The following PTGER3 variants were observed in gnomAD, a reference collection of about 807,000 sequenced individuals.
PTGER3 encodes the protein prostaglandin E receptor 3, also known as prostaglandin E2 receptor EP3 subtype.
A neutral mutation model predicts 34.7 loss-of-function variants in PTGER3; 22 were observed. The observed-to-expected ratio is 0.63, with a 90% CI of 0.45 to 0.91. The LOEUF (loss-of-function observed/expected upper bound fraction) is 0.91. Ranked by LOEUF, PTGER3 falls within the 40% of genes least tolerant of loss-of-function variation. PTGER3 has a pLI of 0.00. For synonymous variants in PTGER3, 241 were observed against 230.1 expected (o/e 1.05, Z -0.43); for missense variants, 468 against 519.4 (o/e 0.90, Z 0.96).
intron 4 of PTGER3, among the ~76,000 whole-genome samples, chr1:70,908,296 A>G (rs926056829): frequency 1.3e-5 from 2 of 152,168 alleles, no homozygotes; most frequent in Admixed American, 1.3e-4. Flanking sequence ...TCATCTACAC[A>G]ATCCCATTAT....
chr1:70,980,055 G>A (rs1381807683), intron 2 of PTGER3, among the ~76,000 whole-genome samples: 1 of 152,096 alleles, frequency 6.6e-6, no homozygotes, highest in Non-Finnish European at 1.5e-5. Context: ...GGGGAGTTGA[G>A]GTTTCATAAG....
At chr1:70,940,460 T>C (rs1278888450) in intron 4 of PTGER3, among the ~76,000 whole-genome samples, 1 of 152,202 alleles carries the variant, frequency 6.6e-6, no homozygotes, top group African/African-American at 2.4e-5. Context: ...TTTACTGTAT[T>C]AGTCTGTTTT....
chr1:70,905,543 A>G (rs1381601098), intron 4 of PTGER3, among the ~76,000 whole-genome samples: 3 of 152,136 alleles, frequency 2.0e-5, no homozygotes, highest in Non-Finnish European at 4.4e-5. Flanking sequence ...ACATGGAGTC[A>G]AAGGATATCA....
intron 4 of PTGER3, among the ~76,000 whole-genome samples, chr1:70,894,079 G>T (rs1472287428): frequency 1.3e-5 from 2 of 152,054 alleles, no homozygotes; most frequent in Non-Finnish European, 2.9e-5. Context: ...AGGCCAAGGT[G>T]GGTGGATCAC....
intron 4 of PTGER3, among the ~76,000 whole-genome samples, chr1:70,926,612 G>A (rs28635308): frequency 0.17 from 26,132 of 152,082 alleles, 2,836 homozygotes; most frequent in East Asian, 0.31. Context: ...GATATACAAT[G>A]ATGTCGTCTG....
chr1:70,979,656 A>T (rs929163563), intron 2 of PTGER3, among the ~76,000 whole-genome samples: 5 of 152,096 alleles, frequency 3.3e-5, no homozygotes, highest in Admixed American at 6.6e-5. Context: ...TCCTCTCAGA[A>T]TTCAAACTGC....
chr1:70,913,296 G>A (rs1297337224), intron 4 of PTGER3, among the ~76,000 whole-genome samples: 1 of 151,752 alleles, frequency 6.6e-6, no homozygotes, highest in East Asian at 1.9e-4. Flanking sequence ...ATTTTTAGTA[G>A]TTCATTGCTA....
chr1:70,868,435 G>A (rs370576411), intron 4 of PTGER3, among the ~76,000 whole-genome samples: 156 of 152,308 alleles, frequency 1.0e-3, no homozygotes, highest in African/African-American at 2.8e-3. Context: ...ATGACACAGT[G>A]TCTGTTTATT....
At chr1:70,959,566 G>A (rs1651710254) in intron 2 of PTGER3, among the ~76,000 whole-genome samples, 2 of 152,174 alleles carry the variant, frequency 1.3e-5, no homozygotes, top group Admixed American at 6.5e-5. Flanking sequence ...TCACCATATT[G>A]GCGAGGCTGG....
intron 2 of PTGER3, among the ~76,000 whole-genome samples, chr1:70,989,762 C>A (rs896610930): frequency 1.3e-5 from 2 of 152,136 alleles, no homozygotes; most frequent in Non-Finnish European, 2.9e-5. Context: ...CCAGACATTT[C>A]ACATAGCAGC....
intron 2 of PTGER3, among the ~76,000 whole-genome samples, chr1:70,992,509 G>T (rs983200757): frequency 1.3e-5 from 2 of 152,150 alleles, no homozygotes; most frequent in South Asian, 4.1e-4. Flanking sequence ...TAAAGATAGC[G>T]CTCTGTTGAA....
At chr1:70,979,153 C>G (rs991966300) in intron 2 of PTGER3, among the ~76,000 whole-genome samples, 9 of 152,222 alleles carry the variant, frequency 5.9e-5, no homozygotes, top group Admixed American at 5.2e-4. Context: ...GAGATTTTCA[C>G]GTTTCTGTTT....
At chr1:71,044,821 A>AT (rs1660618097) in intron 1 of PTGER3, among the ~76,000 whole-genome samples, 1 of 151,944 alleles carries the variant, frequency 6.6e-6, no homozygotes, top group African/African-American at 2.4e-5. Context: ...ATTTAACTGC[A>AT]TTTTTTTTCC....
intron 4 of PTGER3, among the ~76,000 whole-genome samples, chr1:70,872,221 G>T (rs1646178004): frequency 1.3e-5 from 2 of 152,216 alleles, no homozygotes; most frequent in African/African-American, 2.4e-5. Context: ...GTGGGAGATG[G>T]TCGGTGTTTT....
At chr1:70,947,815 G>A (rs500647), downstream of PTGER3, among the ~76,000 whole-genome samples, 90,755 of 151,974 alleles carry the variant, frequency 0.6, 28,237 homozygotes, top group East Asian at 0.71. Context: ...ACTTTGTTAC[G>A]TTCTATACAC....
chr1:71,020,979 T>G (rs1246499785), intron 1 of PTGER3, among the ~76,000 whole-genome samples: 1 of 152,034 alleles, frequency 6.6e-6, no homozygotes, highest in African/African-American at 2.4e-5. Flanking sequence ...TACCTTCAAT[T>G]TATATAGCAT....
At chr1:70,887,692 T>A (rs1037933440) in intron 4 of PTGER3, among the ~76,000 whole-genome samples, 2 of 152,174 alleles carry the variant, frequency 1.3e-5, no homozygotes, top group African/African-American at 4.8e-5. Context: ...ATTTTCTCTG[T>A]GGTGCATTAG....
chr1:70,911,245 G>A (rs976906083), intron 4 of PTGER3, among the ~76,000 whole-genome samples: 1 of 150,420 alleles, frequency 6.6e-6, no homozygotes, highest in Non-Finnish European at 1.5e-5. Flanking sequence ...ATACTAGATT[G>A]GAGACCCTTT....
Position 70,995,423 on chromosome 1 carries a change from G to A in PTGER3, c.1077+16882C>T, listed in dbSNP as rs1212535764. ...TAAGTCTCTGCTCTTGAAATAGATA[G>A]TCTAGGACACTCTACTATCTCCACT... On this transcript the variant is annotated intron_variant, in intron 2 of 3. Transcript: ENST00000306666. Among the ~76,000 whole-genome samples the A allele has an allele frequency of 2.0e-5, 3 of 152,084 alleles. 1 individual carries two copies. The South Asian group carries it at 6.2e-4, about 32-fold the overall frequency.
Sources: gnomAD v4.1 joint callset for allele counts (sites outside exome capture counted in the v4.1 genomes callset) on GRCh38, gnomAD v4.1.1 for gene constraint, MANE v1.5 for transcripts, NCBI Gene and HGNC (gene_info 2026-07-23, HGNC 2026-07-21) for gene names.